PDE2A: variants seen among roughly 807,000 people sequenced by gnomAD.
PDE2A encodes phosphodiesterase 2A.
In PDE2A, 53 loss-of-function variants were observed where a neutral mutation model predicts 133.6. That is an observed-to-expected ratio of 0.40 (90% CI 0.32 to 0.50). The LOEUF is 0.50. PDE2A is among the 20% of genes least tolerant of loss of function. The probability of loss-of-function intolerance (pLI) is 0.73; values close to 1 mark genes in which losing one functional copy is unlikely to be tolerated. For synonymous variants in PDE2A, 491 were observed against 490.2 expected (o/e 1.00, Z -0.02); for missense variants, 796 against 1,232.4 (o/e 0.65, Z 5.30).
At chr11:72,661,859 T>C (rs1434148969) in intron 1 of PDE2A, among the ~76,000 whole-genome samples, 1 of 152,250 alleles carries the variant, frequency 6.6e-6, no homozygotes, top group East Asian at 1.9e-4. Flanking sequence ...GTCATGTGCA[T>C]TGATGTTCCC....
chr11:72,623,741 C>T (rs1408613092), intron 2 of PDE2A, among the ~76,000 whole-genome samples: 1 of 152,152 alleles, frequency 6.6e-6, no homozygotes, highest in Non-Finnish European at 1.5e-5. Flanking sequence ...CTCTGGTTTT[C>T]CCTCTTGCTC....
intron 2 of PDE2A, among the ~76,000 whole-genome samples, chr11:72,638,173 C>T (rs531086841): frequency 1.8e-3 from 270 of 152,296 alleles, no homozygotes; most frequent in African/African-American, 6.3e-3. Flanking sequence ...TGACACCAGC[C>T]GCGCCACCCT....
chr11:72,580,037 G>T (rs556469320), intron 25 of PDE2A: 3 of 204,996 alleles, frequency 1.5e-5, no homozygotes, highest in Admixed American at 5.2e-5. Flanking sequence ...CTTATCTCAG[G>T]GGGGCAGAGG....
intron 14 of PDE2A, 114 bp from the exon 15 acceptor site, chr11:72,585,707 G>A: frequency 1.2e-6 from 1 of 864,428 alleles, no homozygotes; most frequent in Admixed American, 2.1e-5. Flanking sequence ...GGGCTCACTG[G>A]ACAAGCCAGA....
chr11:72,655,757 G>A (rs150205339), intron 1 of PDE2A, among the ~76,000 whole-genome samples: 112 of 152,070 alleles, frequency 7.4e-4, no homozygotes, highest in Admixed American at 4.6e-3. Context: ...TTTGCTACAC[G>A]AGAGCTTTTA....
At chr11:72,621,898 G>C (rs1029936256) in intron 2 of PDE2A, 11 of 152,272 alleles carry the variant, frequency 7.2e-5, no homozygotes, top group African/African-American at 2.6e-4. Flanking sequence ...ATATTTCAGC[G>C]AAGCAACCTA....
intron 1 of PDE2A, among the ~76,000 whole-genome samples, chr11:72,657,200 C>T (rs1408512319): frequency 6.6e-6 from 1 of 152,158 alleles, no homozygotes; most frequent in African/African-American, 2.4e-5. Flanking sequence ...GAGGCCTAGA[C>T]CAGAAGGTGG....
intron 2 of PDE2A, chr11:72,614,961 C>G (rs962874683): frequency 3.2e-5 from 11 of 348,894 alleles, no homozygotes; most frequent in African/African-American, 2.3e-4. Flanking sequence ...TTTCCTCCTC[C>G]CTCTTTCTCT....
At chr11:72,673,364 C>T (rs1485077731) in intron 1 of PDE2A, among the ~76,000 whole-genome samples, 1 of 151,690 alleles carries the variant, frequency 6.6e-6, no homozygotes, top group Non-Finnish European at 1.5e-5. Flanking sequence ...ACAGGCCCCT[C>T]TACACCCAAC....
chr11:72,630,928 T>C, intron 2 of PDE2A: 1 of 640,106 alleles, frequency 1.6e-6, no homozygotes, highest in Middle Eastern at 3.9e-4. Flanking sequence ...ATGGTCTTGA[T>C]ATAGGGGTGG....
intron 2 of PDE2A, among the ~76,000 whole-genome samples, chr11:72,615,644 T>C (rs1452051584): frequency 7.2e-6 from 1 of 139,406 alleles, no homozygotes; most frequent in Non-Finnish European, 1.5e-5. Flanking sequence ...GAACCGAGAG[T>C]GGTCCCATTT....
chr11:72,578,708 C>T lies in PDE2A; in HGVS notation c.2469+189G>A, dbSNP rs1034066628. The stretch of plus-strand genomic sequence containing the variant: ...GGCTGGGTTGGGGCCCACCTTCCAC[C>T]AGCCACTGACTTGCTAGGTCTGTTC... On this transcript the variant is annotated intron_variant, in intron 28 of 30. Coordinates refer to ENST00000334456, the MANE Select transcript of PDE2A (RefSeq NM_002599.5). The surrounding 1 kb of genome is among the most constrained non-coding windows in gnomAD (Gnocchi z 4.2). Among the ~76,000 whole-genome samples, 2 of 152,226 alleles carry T rather than the reference C, an allele frequency of 1.3e-5. No individual in the cohort carries two copies. The highest frequency in any genetic ancestry group is 4.8e-5 in the African/African-American group (2 of 41,458).
Position 72,590,231 on chromosome 11 carries a change from G to A in PDE2A, c.717C>T (p.Asp239=), listed in dbSNP as rs1365352334. ...TGAGCTGCAGGGAAGAGGCATCCAGGTCGTAGAGTTCCCCTGCAAGGGCCA... is the reference window on the plus strand; with the variant it reads ...TGAGCTGCAGGGAAGAGGCATCCAGATCGTAGAGTTCCCCTGCAAGGGCCA... The part of the protein sequence containing the change: ...KILQLCGELY[D]LDASSLQLKV... The change falls in exon 9 of 31, where the codon GAC becomes GAT. Residue 239 remains aspartate (D), a synonymous_variant. Coordinates refer to ENST00000334456, the MANE Select transcript of PDE2A (RefSeq NM_002599.5). The surrounding 1 kb of genome is among the most constrained non-coding windows in gnomAD (Gnocchi z 4.8). 1.2e-5 allele frequency: 18 copies of A among 1,551,652 alleles called. No individual in the cohort carries two copies. The highest frequency in any genetic ancestry group is 1.6e-5 in the Non-Finnish European group (18 of 1,146,920).
intron 30 of PDE2A, 136 bp from the exon 31 acceptor site, chr11:72,577,730 A>G (rs1453385928): frequency 1.7e-5 from 11 of 657,706 alleles, no homozygotes; most frequent in Non-Finnish European, 2.9e-5. Context: ...CCCAACACTC[A>G]GAGATGCCGA....
Position 72,580,589 on chromosome 11 carries a change from G to A in PDE2A, c.2169C>T (p.Gly723=), listed in dbSNP as rs771094282. The change falls in exon 25 of 31, where the codon GGC becomes GGT. Residue 723 remains glycine, a synonymous_variant. Coordinates refer to ENST00000334456, the MANE Select transcript of PDE2A (RefSeq NM_002599.5). ...SVLAALYSSE[G]SVMERHHFAQ... ...AGAAGAGTGATACCTCCATGACGGA[G>A]CCCTCAGAGCTGTAGAGCGCAGCCA... 1 of 1,568,588 alleles carries A rather than the reference G, an allele frequency of 6.4e-7. No individual in the cohort carries two copies. Among genetic ancestry groups the A allele is most frequent in the Non-Finnish European group, 8.7e-7 (1 of 1,155,592 alleles).
chr11:72,608,361 T>C (rs984538289), intron 3 of PDE2A, among the ~76,000 whole-genome samples: 1 of 152,218 alleles, frequency 6.6e-6, no homozygotes, highest in Admixed American at 6.5e-5. Flanking sequence ...CGTCCTGTTA[T>C]CCTAGGTGAA....
At chr11:72,620,802 G>T (rs971252274) in intron 2 of PDE2A, among the ~76,000 whole-genome samples, 1 of 151,984 alleles carries the variant, frequency 6.6e-6, no homozygotes, top group Non-Finnish European at 1.5e-5. Flanking sequence ...CAGGGGAGAG[G>T]AGGGGGCAGG....
chr11:72,621,832 C>T (rs1446824314), intron 2 of PDE2A: 4 of 151,826 alleles, frequency 2.6e-5, no homozygotes, highest in African/African-American at 9.7e-5. Context: ...GCTCCCCCCA[C>T]CAAAAAAAAA....
chr11:72,596,474 T>TCACACA (rs1171582119), intron 6 of PDE2A, 119 bp downstream of exon 6: 30 of 248,618 alleles, frequency 1.2e-4, no homozygotes, highest in Middle Eastern at 5.1e-4. Flanking sequence ...TCTCTCTCTC[T>TCACACA]CTCTCTCTCT....
Sources: gnomAD v4.1 joint callset for allele counts (sites outside exome capture counted in the v4.1 genomes callset) on GRCh38, gnomAD v4.1.1 for gene constraint, Gnocchi (gnomAD v3.1) non-coding constraint, MANE v1.5 for transcripts, NCBI Gene and HGNC (gene_info 2026-07-23, HGNC 2026-07-21) for gene names.